Variants in EFNA2 observed in about 807,000 individuals in gnomAD.
EFNA2 encodes ephrin A2.
A neutral mutation model predicts 19.7 loss-of-function variants in EFNA2; 18 were observed. That is an observed-to-expected ratio of 0.91 (90% confidence interval 0.63 to 1.35). EFNA2 has a LOEUF of 1.35. Ranked by LOEUF, EFNA2 falls within the 40% of genes most tolerant of loss-of-function variation. The pLI, the probability that EFNA2 is intolerant of heterozygous loss-of-function variation, is 0.00. For synonymous variants in EFNA2, 187 were observed against 137.8 expected (o/e 1.36, Z -2.50); for missense variants, 303 against 296.0 (o/e 1.02, Z -0.17).
chr19:1,292,660 G>T (rs867894292), intron 1 of EFNA2, among the ~76,000 whole-genome samples: 2 of 152,226 alleles, frequency 1.3e-5, no homozygotes, highest in South Asian at 2.1e-4. Flanking sequence ...AGGAGGATGA[G>T]GAGGGCGCAG....
In EFNA2 at chr19:1,299,825, C is replaced by T. The variant is rs758217654; in HGVS notation, c.522C>T (p.Asn174=). 1.3e-5 allele frequency: 21 copies of T among 1,600,068 alleles called. No homozygotes were observed. Among genetic ancestry groups the T allele is most frequent in the East Asian group, 2.2e-5 (1 of 44,568 alleles). ...LRLKVYVRPT[N]ETLYEAPEPI... ...GCGTGCTGTCTCTGCCACCCGCAGA[C>T]GAGACCCTGTACGAGGCTCCTGAGC... The change falls in exon 4 of 4, where the codon AAC becomes AAT. Residue 174 remains asparagine, a splice_region_variant and synonymous_variant. Coordinates refer to ENST00000215368, the MANE Select transcript of EFNA2 (RefSeq NM_001405.4).
intron 1 of EFNA2, among the ~76,000 whole-genome samples, chr19:1,288,458 G>A (rs1366637764): frequency 1.3e-5 from 2 of 152,032 alleles, no homozygotes; most frequent in Non-Finnish European, 2.9e-5. Context: ...GAGGGATGAT[G>A]GGGTCGGGCA....
At chr19:1,288,762 G>A (rs900223994) in intron 1 of EFNA2, among the ~76,000 whole-genome samples, 3 of 152,068 alleles carry the variant, frequency 2.0e-5, no homozygotes, top group Admixed American at 6.5e-5. Flanking sequence ...TCCTTGGGCC[G>A]CTATAAGGTG....
At chr19:1,292,793 A>G (rs2081497535) in intron 1 of EFNA2, among the ~76,000 whole-genome samples, 1 of 152,154 alleles carries the variant, frequency 6.6e-6, no homozygotes, top group Non-Finnish European at 1.5e-5. Flanking sequence ...GAGGCTTGGG[A>G]TATGGGGAGG....
Position 1,288,585 on chromosome 19 carries a change from G to A in EFNA2, c.140+2277G>A, listed in dbSNP as rs1017420717. Among the ~76,000 whole-genome samples, 15 of 152,208 alleles carry A rather than the reference G, an allele frequency of 9.9e-5. No homozygotes were observed. In the South Asian group the frequency reaches 2.3e-3, roughly 23 times the overall value. Reference sequence around the variant, plus strand: ...CAGCGTGGGCACCAGGGGACCGTGTGCTCGATGGGGCCTGCAGGCCCGGGC... The same window carrying A: ...CAGCGTGGGCACCAGGGGACCGTGTACTCGATGGGGCCTGCAGGCCCGGGC... On this transcript the variant is annotated intron_variant, in intron 1 of 3. Transcript: ENST00000215368.
intron 1 of EFNA2, among the ~76,000 whole-genome samples, chr19:1,288,250 C>G (rs1018467779): frequency 6.6e-6 from 1 of 152,242 alleles, no homozygotes; most frequent in African/African-American, 2.4e-5. Flanking sequence ...TCGCGGACAT[C>G]AGGGGTCTCT....
chr19:1,293,314 G>A (rs2081499759), intron 1 of EFNA2, among the ~76,000 whole-genome samples: 1 of 152,232 alleles, frequency 6.6e-6, no homozygotes. Flanking sequence ...TGCATCGATC[G>A]TGCCCAAGGG....
At chr19:1,284,892 G>A (rs2144607621), upstream of EFNA2, among the ~76,000 whole-genome samples, 2 of 152,350 alleles carry the variant, frequency 1.3e-5, no homozygotes, top group South Asian at 4.1e-4. This position sits in a 1 kb window ranked among gnomAD's most constrained non-coding sequence, Gnocchi z 5.3. Flanking sequence ...AGCGTTTGAT[G>A]ACAGCCTACC....
intron 1 of EFNA2, among the ~76,000 whole-genome samples, chr19:1,292,787 C>T (rs2081497507): frequency 6.6e-6 from 1 of 152,188 alleles, no homozygotes; most frequent in African/African-American, 2.4e-5. Flanking sequence ...AAGAGCGAGG[C>T]TTGGGATATG....
At chr19:1,298,806 G>A (rs915313130) in intron 3 of EFNA2, among the ~76,000 whole-genome samples, 190 bp downstream of exon 3, 1 of 152,216 alleles carries the variant, frequency 6.6e-6, no homozygotes, top group African/African-American at 2.4e-5. Context: ...TTAGCTGAGC[G>A]CAGTGGCTCA....
chr19:1,288,929 C>T (rs907079653), intron 1 of EFNA2, among the ~76,000 whole-genome samples: 5 of 152,224 alleles, frequency 3.3e-5, no homozygotes, highest in Admixed American at 2.0e-4. Context: ...CGGGCTGGGG[C>T]GTCCAGGGCT....
At position 1,298,603 on chromosome 19, in the gene EFNA2, C is replaced by T. The variant is rs932338599; in HGVS notation, c.507C>T (p.Tyr169=). The part of the protein sequence containing the change: ...VDRPCLRLKV[Y]VRPTNETLYE... ...GGCCCTGCCTGCGACTGAAGGTGTA[C>T]GTGCGGCCGACCAGTAAGTGCTCAG... The change falls in exon 3 of 4, where the codon TAC becomes TAT. Residue 169 remains tyrosine (Y), a synonymous_variant. Transcript: ENST00000215368. 15 of 1,613,782 alleles carry T rather than the reference C, an allele frequency of 9.3e-6. No individual in the cohort carries two copies. The highest frequency in any genetic ancestry group is 4.0e-5 in the African/African-American group (3 of 74,888).
At chr19:1,292,072 T>G (rs1198533683) in intron 1 of EFNA2, among the ~76,000 whole-genome samples, 3 of 152,202 alleles carry the variant, frequency 2.0e-5, no homozygotes, top group Non-Finnish European at 4.4e-5. Context: ...CCGGGGAGGA[T>G]TTGCATATCG....
rs572608419 is a variant in EFNA2 at position 1,287,510 on chromosome 19, G to T, written c.140+1202G>T. 6.6e-6 allele frequency among the ~76,000 whole-genome samples: 1 copy of T among 152,100 alleles called. No individual in the cohort carries two copies. Among genetic ancestry groups the T allele is most frequent in the Non-Finnish European group, 1.5e-5 (1 of 67,992 alleles). ...CTGTCTCCTGCTGTCCTCGGTCCCC[G>T]GGAGGAAAGTTGCATGAAGGGGTCT... On this transcript the variant is annotated intron_variant, in intron 1 of 3. Coordinates refer to ENST00000215368, the MANE Select transcript of EFNA2 (RefSeq NM_001405.4). The surrounding 1 kb of genome is among the most constrained non-coding windows in gnomAD (Gnocchi z 6.2).
At chr19:1,298,908 G>T (rs886181630) in intron 3 of EFNA2, among the ~76,000 whole-genome samples, 2 of 152,198 alleles carry the variant, frequency 1.3e-5, no homozygotes, top group Non-Finnish European at 2.9e-5. Flanking sequence ...TCACGCCACT[G>T]CATTCCAGCC....
In EFNA2 at chr19:1,291,462, G is replaced by A. The variant is rs1457059952; in HGVS notation, c.141-4083G>A. On this transcript the variant is annotated intron_variant, in intron 1 of 3. Coordinates refer to ENST00000215368, the MANE Select transcript of EFNA2 (RefSeq NM_001405.4). ...TCTTCCGTCCCTGGAAAAGCCAGGT[G>A]TGGGTGCTGTCACCCCAGCAGGTCT... Among the ~76,000 whole-genome samples, 3 of 152,234 alleles carry A rather than the reference G, an allele frequency of 2.0e-5. No individual in the cohort carries two copies. In the East Asian group the frequency reaches 5.8e-4, roughly 29 times the overall value.
chr19:1,289,000 C>T (rs2081479104), intron 1 of EFNA2, among the ~76,000 whole-genome samples: 1 of 152,264 alleles, frequency 6.6e-6, no homozygotes, highest in African/African-American at 2.4e-5. Flanking sequence ...CTCACCTGTC[C>T]TGGCCACAAC....
At chr19:1,293,594 C>A (rs1366704257) in intron 1 of EFNA2, among the ~76,000 whole-genome samples, 2 of 152,212 alleles carry the variant, frequency 1.3e-5, no homozygotes, top group Non-Finnish European at 2.9e-5. Flanking sequence ...GGAAGGGCCC[C>A]TGCCCTCCAG....
At position 1,296,193 on chromosome 19, in the gene EFNA2, G is replaced by C. The variant is rs1328021272; in HGVS notation, c.454+335G>C. 1.3e-5 allele frequency among the ~76,000 whole-genome samples: 2 copies of C among 152,220 alleles called. No individual in the cohort carries two copies. Among genetic ancestry groups the C allele is most frequent in the East Asian group, 3.8e-4 (2 of 5,204 alleles). The stretch of plus-strand genomic sequence containing the variant: ...TTCCTCGTCCTTCGTTGCATATGGG[G>C]AAACTGAGGCTTGGAGGGGGACTGA... On this transcript the variant is annotated intron_variant, in intron 2 of 3. Coordinates refer to ENST00000215368, the MANE Select transcript of EFNA2 (RefSeq NM_001405.4). This position sits in a 1 kb window ranked among gnomAD's most constrained non-coding sequence, Gnocchi z 4.4.
Sources: gnomAD v4.1 joint callset for allele counts (sites outside exome capture counted in the v4.1 genomes callset) on GRCh38, gnomAD v4.1.1 for gene constraint, Gnocchi (gnomAD v3.1) non-coding constraint, MANE v1.5 for transcripts, NCBI Gene and HGNC (gene_info 2026-07-23, HGNC 2026-07-21) for gene names.